Variants in ASTN2 observed in about 807,000 individuals in gnomAD.
ASTN2 encodes the protein astrotactin 2, also known as astrotactin-2.
In ASTN2, 54 loss-of-function variants were observed where a neutral mutation model predicts 139.8. That is an observed-to-expected ratio of 0.39 (90% confidence interval 0.31 to 0.48). The LOEUF (loss-of-function observed/expected upper bound fraction) is 0.48. ASTN2 is among the 20% of genes least tolerant of loss of function. The pLI is 0.95. For missense variants in ASTN2, 1,565 were observed against 1,725.1 expected (o/e 0.91, Z 1.64); for synonymous variants, 756 against 719.5 (o/e 1.05, Z -0.81).
At chr9:117,264,493 T>C (rs756802753) in intron 2 of ASTN2, among the ~76,000 whole-genome samples, 35 of 152,342 alleles carry the variant, frequency 2.3e-4, no homozygotes, top group Middle Eastern at 3.4e-3. Flanking sequence ...TGGAAAATGC[T>C]TGGTGTAGTG....
intron 11 of ASTN2, among the ~76,000 whole-genome samples, chr9:116,824,043 G>C (rs1831557767): frequency 6.6e-6 from 1 of 152,216 alleles, no homozygotes; most frequent in Non-Finnish European, 1.5e-5. Context: ...GTTGGTACTT[G>C]TTATTTGCTG....
chr9:117,237,201 A>G (rs1485827298), intron 2 of ASTN2, among the ~76,000 whole-genome samples: 7 of 152,182 alleles, frequency 4.6e-5, no homozygotes, highest in Non-Finnish European at 7.3e-5. Flanking sequence ...ATGACAAAAA[A>G]CGCAATTACT....
chr9:117,195,722 T>C (rs1398484503), intron 3 of ASTN2, among the ~76,000 whole-genome samples: 1 of 152,082 alleles, frequency 6.6e-6, no homozygotes, highest in South Asian at 2.1e-4. Flanking sequence ...TACACAAAGA[T>C]GAAATTTACA....
intron 10 of ASTN2, among the ~76,000 whole-genome samples, chr9:116,947,619 A>T (rs997505410): frequency 3.9e-5 from 6 of 152,164 alleles, no homozygotes; most frequent in African/African-American, 1.4e-4. Context: ...CTCATTCTCA[A>T]AGCATAAAAT....
intron 16 of ASTN2, among the ~76,000 whole-genome samples, chr9:116,724,717 T>C (rs1250860394): frequency 2.0e-5 from 3 of 152,234 alleles, no homozygotes; most frequent in African/African-American, 4.8e-5. Flanking sequence ...TTCTTGGAGA[T>C]AGGGTGGCTG....
intron 10 of ASTN2, among the ~76,000 whole-genome samples, chr9:116,948,079 A>G (rs1038494225): frequency 1.3e-5 from 2 of 152,208 alleles, no homozygotes; most frequent in African/African-American, 4.8e-5. Flanking sequence ...GGAATATCAC[A>G]TAAGTCATGA....
intron 1 of ASTN2, among the ~76,000 whole-genome samples, chr9:117,361,641 A>G (rs1311581910): frequency 1.3e-5 from 2 of 152,160 alleles, no homozygotes; most frequent in African/African-American, 4.8e-5. Flanking sequence ...CTGGTGCCAG[A>G]TATCTCCCAT....
chr9:116,439,720 C>T (rs947525848), intron 22 of ASTN2, among the ~76,000 whole-genome samples: 6 of 152,190 alleles, frequency 3.9e-5, no homozygotes, highest in African/African-American at 1.4e-4. Flanking sequence ...ACTTACCTTA[C>T]CCCAACTCAA....
chr9:117,362,933 T>C (rs1249604033), intron 1 of ASTN2, among the ~76,000 whole-genome samples: 1 of 152,146 alleles, frequency 6.6e-6, no homozygotes, highest in Non-Finnish European at 1.5e-5. Context: ...TCCCTAGAAA[T>C]TTCACTTATA....
chr9:117,146,796 A>T (rs1411463026), intron 3 of ASTN2, among the ~76,000 whole-genome samples: 5 of 152,170 alleles, frequency 3.3e-5, no homozygotes, highest in Non-Finnish European at 5.9e-5. Context: ...TGAGAAAAAA[A>T]ATTAAAAGGA....
chr9:116,697,292 T>G (rs1287568892), intron 16 of ASTN2: 1 of 204,892 alleles, frequency 4.9e-6, no homozygotes, highest in Non-Finnish European at 1.0e-5. Flanking sequence ...GGTGCTATAC[T>G]AAGCACATCA....
intron 6 of ASTN2, among the ~76,000 whole-genome samples, chr9:117,030,105 A>C (rs764640462): frequency 6.6e-6 from 1 of 152,146 alleles, no homozygotes; most frequent in African/African-American, 2.4e-5. Flanking sequence ...TGGAATGCAC[A>C]TCTCCTGGGC....
chr9:116,762,429 T>C (rs967889900), intron 13 of ASTN2, among the ~76,000 whole-genome samples: 1 of 152,198 alleles, frequency 6.6e-6, no homozygotes, highest in African/African-American at 2.4e-5. Context: ...AAAACATAAA[T>C]GCTTAGCAAC....
chr9:116,679,129 T>C (rs7857552), intron 16 of ASTN2, among the ~76,000 whole-genome samples: 2 of 152,172 alleles, frequency 1.3e-5, no homozygotes, highest in Non-Finnish European at 2.9e-5. Flanking sequence ...TTTTTAAAAA[T>C]TTTTGAAGTT....
intron 19 of ASTN2, among the ~76,000 whole-genome samples, chr9:116,602,947 G>C (rs1399626658): frequency 6.6e-6 from 1 of 152,140 alleles, no homozygotes; most frequent in Non-Finnish European, 1.5e-5. Flanking sequence ...TGATGAAGAA[G>C]AATGTAAGTT....
chr9:117,204,086 C>T (rs1831828461), intron 3 of ASTN2, among the ~76,000 whole-genome samples: 1 of 152,170 alleles, frequency 6.6e-6, no homozygotes, highest in Non-Finnish European at 1.5e-5. Context: ...GAAGCCCCAC[C>T]CACTGAGGAA....
intron 1 of ASTN2, among the ~76,000 whole-genome samples, chr9:117,409,503 G>A (rs1279414892): frequency 6.6e-6 from 1 of 152,340 alleles, no homozygotes; most frequent in African/African-American, 2.4e-5. Context: ...TTAGGGGTCA[G>A]CATACTGGGT....
At chr9:117,323,414 C>G (rs1228707170) in intron 1 of ASTN2, among the ~76,000 whole-genome samples, 1 of 152,114 alleles carries the variant, frequency 6.6e-6, no homozygotes, top group Non-Finnish European at 1.5e-5. Context: ...CTGGAATTAA[C>G]CTCTTTGCTC....
rs200401909 is a variant in ASTN2 at position 117,082,116 on chromosome 9, C to A, written c.1276+13928G>T. Among the ~76,000 whole-genome samples the A allele has an allele frequency of 3.3e-5, 5 of 152,300 alleles. No individual in the cohort carries two copies. In the East Asian group the frequency reaches 9.7e-4, roughly 29 times the overall value. ...ACCACAGAGTGCTGACATCCACACT[C>A]TCCCCTCAACTAGAACACTCCTGAG... On this transcript the variant is annotated intron_variant, in intron 5 of 22. Coordinates refer to ENST00000313400, the MANE Select transcript of ASTN2 (RefSeq NM_001365068.1).
Sources: allele counts gnomAD v4.1 joint callset (sites outside exome capture counted in the v4.1 genomes callset), GRCh38; gene constraint gnomAD v4.1.1; transcripts MANE v1.5; gene names NCBI Gene and HGNC (gene_info 2026-07-23, HGNC 2026-07-21).